The following KIF26B variants were observed in gnomAD, a reference collection of about 807,000 sequenced individuals.
KIF26B encodes kinesin-like protein KIF26B.
A neutral mutation model predicts 151.2 loss-of-function variants in KIF26B; 63 were observed. That is an observed-to-expected ratio of 0.42 (90% CI 0.34 to 0.51). The LOEUF is 0.51. Among genes scored for constraint, KIF26B ranks in the 20% least tolerant of loss-of-function variants. The probability of loss-of-function intolerance (pLI) is 0.07; values close to 1 mark genes in which losing one functional copy is unlikely to be tolerated. For synonymous variants in KIF26B, 1,357 were observed against 1,262.1 expected (o/e 1.08, Z -1.59); for missense variants, 2,813 against 2,913.6 (o/e 0.97, Z 0.79).
intron 12 of KIF26B, among the ~76,000 whole-genome samples, chr1:245,697,337 G>A (rs1054242729): frequency 4.6e-5 from 7 of 152,214 alleles, no homozygotes; most frequent in Non-Finnish European, 8.8e-5. Context: ...TGCTGTGAAA[G>A]AAAGAGGATA....
At chr1:245,186,971 C>T (rs1669011380) in intron 2 of KIF26B, among the ~76,000 whole-genome samples, 1 of 152,124 alleles carries the variant, frequency 6.6e-6, no homozygotes, top group African/African-American at 2.4e-5. Context: ...ATTCTCCTGC[C>T]TCAGCTTCCA....
chr1:245,583,244 G>A (rs548832068), intron 5 of KIF26B, among the ~76,000 whole-genome samples: 64 of 152,296 alleles, frequency 4.2e-4, no homozygotes, highest in Admixed American at 3.5e-3. Context: ...AAGATCTACT[G>A]GTCCTGCAGA....
rs114979130 is a variant in KIF26B, at chr1:245,325,909, A to G, written c.466-40925A>G. ...GTTGCAGGCTTGACCATCACCTCCC[A>G]CTACTGCGTGTGAGGCTAAATGCTG... On this transcript the variant is annotated intron_variant, in intron 2 of 14. Coordinates refer to ENST00000407071, the MANE Select transcript of KIF26B (RefSeq NM_018012.4). Among the ~76,000 whole-genome samples, 390 of 152,192 alleles carry G rather than the reference A, an allele frequency of 2.6e-3. 1 individual carries two copies. The highest frequency in any genetic ancestry group is 8.6e-3 in the African/African-American group (359 of 41,518).
chr1:245,505,471 T>C (rs1660713595), intron 4 of KIF26B, among the ~76,000 whole-genome samples: 1 of 152,104 alleles, frequency 6.6e-6, no homozygotes, highest in Non-Finnish European at 1.5e-5. Flanking sequence ...TTGCAACCTC[T>C]ACTTCCCAGG....
At chr1:245,307,499 A>AT (rs1671578745) in intron 2 of KIF26B, among the ~76,000 whole-genome samples, 1 of 152,164 alleles carries the variant, frequency 6.6e-6, no homozygotes, top group Non-Finnish European at 1.5e-5. Context: ...TAAAAACAGA[A>AT]TTTTTCCAGT....
chr1:245,291,643 G>T (rs1421660673), intron 2 of KIF26B, among the ~76,000 whole-genome samples: 1 of 152,194 alleles, frequency 6.6e-6, no homozygotes, highest in African/African-American at 2.4e-5. Flanking sequence ...ACAGATTCCT[G>T]TTCTCCACTG....
intron 5 of KIF26B, among the ~76,000 whole-genome samples, chr1:245,594,183 T>G (rs1274503099): frequency 2.0e-5 from 3 of 152,230 alleles, no homozygotes; most frequent in Non-Finnish European, 4.4e-5. Flanking sequence ...TAGATCCCAT[T>G]TGTCAATTTT....
chr1:245,594,256 G>A (rs2043318919), intron 5 of KIF26B, among the ~76,000 whole-genome samples: 1 of 152,182 alleles, frequency 6.6e-6, no homozygotes, highest in Admixed American at 6.5e-5. Context: ...CCTATGTCCT[G>A]AATGGTATTG....
intron 2 of KIF26B, among the ~76,000 whole-genome samples, chr1:245,195,261 T>G (rs927096119): frequency 2.6e-5 from 4 of 152,232 alleles, no homozygotes; most frequent in Non-Finnish European, 5.9e-5. Context: ...CTAGTAGTGT[T>G]TTCCAATTAT....
intron 4 of KIF26B, among the ~76,000 whole-genome samples, chr1:245,529,929 C>A (rs548467736): frequency 2.6e-5 from 4 of 152,126 alleles, no homozygotes; most frequent in African/African-American, 7.2e-5. Flanking sequence ...ATCCATCTGA[C>A]AAGGGATTAA....
intron 5 of KIF26B, among the ~76,000 whole-genome samples, chr1:245,566,335 C>T (rs2043010179): frequency 6.6e-6 from 1 of 152,370 alleles, no homozygotes; most frequent in Middle Eastern, 3.4e-3. Flanking sequence ...TGCCCTTTGG[C>T]TTGCTGCCAG....
At chr1:245,355,783 C>T (rs147746374) in intron 2 of KIF26B, among the ~76,000 whole-genome samples, 43 of 152,252 alleles carry the variant, frequency 2.8e-4, no homozygotes, top group Middle Eastern at 3.4e-3. Context: ...GCAGCCCCCA[C>T]GCTCAGGTGT....
intron 5 of KIF26B, among the ~76,000 whole-genome samples, chr1:245,556,936 C>A (rs1374486071): frequency 6.6e-6 from 1 of 152,210 alleles, no homozygotes; most frequent in Non-Finnish European, 1.5e-5. Context: ...GCGTGGAACT[C>A]ACAGTCAGAA....
intron 9 of KIF26B, among the ~76,000 whole-genome samples, chr1:245,633,815 A>G (rs942095193): frequency 6.6e-6 from 1 of 152,072 alleles, no homozygotes; most frequent in Non-Finnish European, 1.5e-5. Context: ...TGTAAATGGT[A>G]TTTTTAATTT....
intron 2 of KIF26B, among the ~76,000 whole-genome samples, chr1:245,190,049 G>A (rs1669072055): frequency 6.7e-6 from 1 of 149,830 alleles, no homozygotes; most frequent in Non-Finnish European, 1.5e-5. Context: ...CACAACACGT[G>A]GGAATTATGG....
intron 3 of KIF26B, among the ~76,000 whole-genome samples, chr1:245,370,872 C>G (rs1214331322): frequency 6.6e-6 from 1 of 152,176 alleles, no homozygotes; most frequent in African/African-American, 2.4e-5. Flanking sequence ...AACCAAGTAC[C>G]AGGCACTGTG....
intron 10 of KIF26B, among the ~76,000 whole-genome samples, chr1:245,666,739 A>T (rs918293635): frequency 3.9e-5 from 6 of 151,912 alleles, no homozygotes; most frequent in South Asian, 2.1e-4. Flanking sequence ...GTCCGTACCA[A>T]ATGGTACGGA....
chr1:245,189,631 C>T (rs893658710), intron 2 of KIF26B, among the ~76,000 whole-genome samples: 1 of 152,130 alleles, frequency 6.6e-6, no homozygotes, highest in Non-Finnish European at 1.5e-5. Flanking sequence ...TAGAGGTAAG[C>T]CCCCTACCAC....
intron 2 of KIF26B, among the ~76,000 whole-genome samples, chr1:245,357,733 T>G (rs565492166): frequency 6.6e-6 from 1 of 151,890 alleles, no homozygotes; most frequent in African/African-American, 2.4e-5. Flanking sequence ...GGCTGGGAAA[T>G]GTAGGGGCTT....
Sources: allele counts gnomAD v4.1 joint callset (sites outside exome capture counted in the v4.1 genomes callset), GRCh38; gene constraint gnomAD v4.1.1; transcripts MANE v1.5; gene names NCBI Gene and HGNC (gene_info 2026-07-23, HGNC 2026-07-21).